The following ZNF423 variants were observed in gnomAD, a reference collection of about 807,000 sequenced individuals.
ZNF423 encodes the protein Ebf-associated zinc finger protein.
A neutral mutation model predicts 95.8 loss-of-function variants in ZNF423; 12 were observed. The observed-to-expected ratio is 0.13, with a 90% confidence interval of 0.08 to 0.20. The LOEUF is 0.20. Among genes scored for constraint, ZNF423 ranks in the 10% least tolerant of loss-of-function variants. The pLI is 1.00. For synonymous variants in ZNF423, 749 were observed against 711.9 expected, an observed-to-expected ratio of 1.05 and a Z score of -0.83; for missense variants, 1,316 against 1,737.1, an observed-to-expected ratio of 0.76 and a Z score of 4.31.
At chr16:49,746,581 G>T (rs2033528860) in intron 2 of ZNF423, among the ~76,000 whole-genome samples, 1 of 152,070 alleles carries the variant, frequency 6.6e-6, no homozygotes, top group African/African-American at 2.4e-5. Flanking sequence ...GAGTTCAAGA[G>T]ATTCTCCCGC....
At chr16:49,710,476 C>T (rs1339526977) in intron 3 of ZNF423, among the ~76,000 whole-genome samples, 1 of 152,220 alleles carries the variant, frequency 6.6e-6, no homozygotes, top group Non-Finnish European at 1.5e-5. Flanking sequence ...CTAAGAAGCA[C>T]TGCCTGAAGT....
rs1327979221 is a variant in ZNF423 at position 49,702,915 on chromosome 16, A to G, written c.301+27856T>C. On this transcript the variant is annotated intron_variant, in intron 3 of 7. Coordinates refer to ENST00000563137, the MANE Select transcript of ZNF423 (RefSeq NM_001379286.1). ...AACCTGCCTGTGTGCACACGCACAC[A>G]CACACACACACACACACACACACAC... Among the ~76,000 whole-genome samples, 550 of 87,044 alleles carry G rather than the reference A, an allele frequency of 6.3e-3. 4 individuals are homozygous for G. The highest frequency in any genetic ancestry group is 0.021 in the African/African-American group (508 of 24,548). The allele number at this position is 87,044 out of a possible 152,430, so 57.1% of individuals were successfully genotyped here. A position where few individuals can be genotyped will look rare whatever the true frequency, so the allele number is the denominator to read the frequency against.
intron 5 of ZNF423, among the ~76,000 whole-genome samples, chr16:49,564,338 C>T (rs148145684): frequency 1.2e-4 from 18 of 152,136 alleles, no homozygotes; most frequent in African/African-American, 4.1e-4. Context: ...AGAATATTTC[C>T]AGATCTCTCT....
In ZNF423 at chr16:49,769,112, T is replaced by C. The variant is rs538120482; in HGVS notation, c.100+20375A>G. The stretch of plus-strand genomic sequence containing the variant: ...GGCACATGCCTGTAATCCCAGCACT[T>C]TGGGAGGCCGAGGCGGGTGGATCAC... On this transcript the variant is annotated intron_variant, in intron 2 of 7. Transcript: ENST00000563137. Among the ~76,000 whole-genome samples the C allele has an allele frequency of 1.2e-3, 183 of 152,228 alleles. 1 individual carries two copies. The highest frequency in any genetic ancestry group is 4.2e-3 in the African/African-American group (174 of 41,560).
intron 5 of ZNF423, among the ~76,000 whole-genome samples, chr16:49,532,446 G>A (rs2151722749): frequency 6.6e-6 from 1 of 152,266 alleles, no homozygotes; most frequent in East Asian, 1.9e-4. Context: ...TCCTCCCCCT[G>A]GGGGCACCCT....
At chr16:49,761,567 G>A (rs1200530047) in intron 2 of ZNF423, among the ~76,000 whole-genome samples, 1 of 152,132 alleles carries the variant, frequency 6.6e-6, no homozygotes, top group African/African-American at 2.4e-5. Flanking sequence ...TGCAAAACAG[G>A]AGCCATAAAA....
chr16:49,745,005 G>A (rs1481051897), intron 2 of ZNF423, among the ~76,000 whole-genome samples: 2 of 152,026 alleles, frequency 1.3e-5, no homozygotes, highest in African/African-American at 4.8e-5. Flanking sequence ...AGAGCTCCAC[G>A]ATCAGGCTTC....
At chr16:49,783,252 T>A (rs1050749982) in intron 2 of ZNF423, among the ~76,000 whole-genome samples, 2 of 139,648 alleles carry the variant, frequency 1.4e-5, no homozygotes, top group African/African-American at 5.5e-5. Flanking sequence ...CAGGCTGGGA[T>A]GGGTGGGAGA....
At chr16:49,639,846 T>C (rs1002234391) in intron 3 of ZNF423, among the ~76,000 whole-genome samples, 3 of 152,094 alleles carry the variant, frequency 2.0e-5, no homozygotes, top group Non-Finnish European at 4.4e-5. Flanking sequence ...AGAGGAAAAC[T>C]AAACAAACCT....
chr16:49,605,651 C>G (rs1024196118), intron 5 of ZNF423, among the ~76,000 whole-genome samples: 2 of 152,162 alleles, frequency 1.3e-5, no homozygotes, highest in African/African-American at 4.8e-5. Context: ...AAATGAAGCC[C>G]CGGCCCTGCA....
chr16:49,700,026 G>C (rs1290397211), intron 3 of ZNF423, among the ~76,000 whole-genome samples: 1 of 152,074 alleles, frequency 6.6e-6, no homozygotes, highest in Non-Finnish European at 1.5e-5. Flanking sequence ...CTAGAAGCAG[G>C]GTTTCAAGGC....
intron 3 of ZNF423, among the ~76,000 whole-genome samples, chr16:49,717,181 A>G (rs2032732837): frequency 6.6e-6 from 1 of 152,128 alleles, no homozygotes. Context: ...ATCAACATTA[A>G]TGGAGAAAGG....
chr16:49,853,659 T>G, intron 1 of ZNF423: 1 of 985,294 alleles, frequency 1.0e-6, no homozygotes, highest in Non-Finnish European at 1.2e-6. Flanking sequence ...CACATACACA[T>G]TTGAGAGAGG....
In ZNF423 at chr16:49,525,502, G is replaced by A. The variant is rs778387094; in HGVS notation, c.3602-8C>T. On this transcript the variant is annotated splice_polypyrimidine_tract_variant and splice_region_variant and intron_variant, in intron 5 of 7. Coordinates refer to ENST00000563137, the MANE Select transcript of ZNF423 (RefSeq NM_001379286.1). ...CGTGGTTGATGCCTTCCTCTGCAAG[G>A]AAAACCCGTGACCAGTCAGTGACCA... The A allele has an allele frequency of 6.2e-7, 1 of 1,613,890 alleles. No homozygotes were observed. Among genetic ancestry groups the A allele is most frequent in the Non-Finnish European group, 8.5e-7 (1 of 1,179,926 alleles).
intron 5 of ZNF423, among the ~76,000 whole-genome samples, chr16:49,550,672 C>T (rs77444668): frequency 0.012 from 1,883 of 152,304 alleles, 42 homozygotes; most frequent in African/African-American, 0.041. Flanking sequence ...TTGGCCATAG[C>T]GTGGGGACAT....
chr16:49,643,625 A>G (rs1170988970), intron 3 of ZNF423, among the ~76,000 whole-genome samples: 1 of 147,618 alleles, frequency 6.8e-6, no homozygotes, highest in Non-Finnish European at 1.5e-5. Flanking sequence ...TGACAGACCC[A>G]TGCTTCCCCT....
intron 7 of ZNF423, among the ~76,000 whole-genome samples, chr16:49,518,880 C>A (rs1968269304): frequency 6.6e-6 from 1 of 152,152 alleles, no homozygotes; most frequent in South Asian, 2.1e-4. Context: ...TATCATGAGA[C>A]CCCACCTATA....
At chr16:49,518,800 A>C (rs1306860262) in intron 7 of ZNF423, among the ~76,000 whole-genome samples, 1 of 152,184 alleles carries the variant, frequency 6.6e-6, no homozygotes, top group Non-Finnish European at 1.5e-5. Flanking sequence ...CACGCCTGTA[A>C]TCCCAACACT....
rs1024783128 is a variant in ZNF423, at chr16:49,749,785, T to A, written c.101-18814A>T. Among the ~76,000 whole-genome samples, 14 of 132,958 alleles carry A rather than the reference T, an allele frequency of 1.1e-4. No homozygotes were observed. In the Admixed American group the frequency reaches 1.1e-3, roughly 10 times the overall value. The allele number at this position is 132,958 out of a possible 152,430, so 87.2% of individuals were successfully genotyped here. A position where few individuals can be genotyped will look rare whatever the true frequency, so the allele number is the denominator to read the frequency against. On this transcript the variant is annotated intron_variant, in intron 2 of 7. Transcript: ENST00000563137. ...CTAGTTAAATGTGAACAGGCCCCAG[T>A]AGTGAATTGGGGAGGGGTGGGGGTG...
Sources: gnomAD v4.1 joint callset for allele counts (sites outside exome capture counted in the v4.1 genomes callset) on GRCh38, gnomAD v4.1.1 for gene constraint, MANE v1.5 for transcripts, NCBI Gene and HGNC (gene_info 2026-07-23, HGNC 2026-07-21) for gene names.